The following TENM3 variants were observed in gnomAD, a reference collection of about 807,000 sequenced individuals.
TENM3 encodes the protein teneurin transmembrane protein 3.
In TENM3, 63 loss-of-function variants were observed where a neutral mutation model predicts 255.1. That is an observed-to-expected ratio of 0.25 (90% CI 0.20 to 0.30). The LOEUF (loss-of-function observed/expected upper bound fraction) is 0.30. Among genes scored for constraint, TENM3 ranks in the 10% least tolerant of loss-of-function variants. The pLI, the probability that TENM3 is intolerant of heterozygous loss-of-function variation, is 1.00. For missense variants in TENM3, 2,929 were observed against 3,461.1 expected, an observed-to-expected ratio of 0.85 and a Z score of 3.86; for synonymous variants, 1,306 against 1,322.3, an observed-to-expected ratio of 0.99 and a Z score of 0.27.
intron 1 of TENM3, among the ~76,000 whole-genome samples, chr4:182,250,040 T>C (rs1757897233): frequency 6.6e-6 from 1 of 151,336 alleles, no homozygotes; most frequent in Non-Finnish European, 1.5e-5. Context: ...ATTTTTCTTT[T>C]TCTTTTCTTT....
At chr4:182,474,255 A>C (rs1733443972) in intron 3 of TENM3, among the ~76,000 whole-genome samples, 1 of 152,212 alleles carries the variant, frequency 6.6e-6, no homozygotes, top group Non-Finnish European at 1.5e-5. Context: ...CTGGTCTAAT[A>C]GATGGTACAT....
At chr4:181,662,443 A>T in the TENM3 span, among the ~76,000 whole-genome samples, 1 of 152,188 alleles carries the variant, frequency 6.6e-6, no homozygotes, top group South Asian at 2.1e-4. Flanking sequence ...TATGTCCTGC[A>T]ATCATCATAT....
chr4:182,159,226 A>C (rs572696318), intron 1 of TENM3, among the ~76,000 whole-genome samples: 66 of 152,242 alleles, frequency 4.3e-4, no homozygotes, highest in African/African-American at 1.5e-3. Flanking sequence ...GGCACCTTAT[A>C]ATGAACGTCA....
At chr4:181,888,526 A>ATATATATGTG in the TENM3 span, among the ~76,000 whole-genome samples, 8 of 87,700 alleles carry the variant, frequency 9.1e-5, 2 homozygotes, top group Admixed American at 1.2e-4. Context: ...GTATATATAT[A>ATATATATGTG]CATATATGTG....
At chr4:181,523,796 T>C in the TENM3 span, among the ~76,000 whole-genome samples, 2 of 152,228 alleles carry the variant, frequency 1.3e-5, no homozygotes, top group Admixed American at 1.3e-4. Context: ...AAAGTAGTTT[T>C]AACCTTCAGA....
At chr4:182,503,239 A>T (rs1262139563) in intron 3 of TENM3, among the ~76,000 whole-genome samples, 1 of 151,930 alleles carries the variant, frequency 6.6e-6, no homozygotes, top group East Asian at 1.9e-4. Flanking sequence ...TTACATTTAG[A>T]TGGGCATGGT....
chr4:181,448,267 C>T, the TENM3 span, among the ~76,000 whole-genome samples: 2 of 143,292 alleles, frequency 1.4e-5, no homozygotes, highest in Non-Finnish European at 3.0e-5. Flanking sequence ...CCCGGGTTCA[C>T]GCCATTCTCC....
intron 4 of TENM3, among the ~76,000 whole-genome samples, chr4:182,618,622 TAA>T (rs199546448): frequency 1.0e-4 from 15 of 144,342 alleles, no homozygotes; most frequent in Admixed American, 6.9e-5. Flanking sequence ...ACATGGGGTT[TAA>T]AAAAAAAAAA....
At chr4:181,655,352 G>C in the TENM3 span, among the ~76,000 whole-genome samples, 1 of 152,220 alleles carries the variant, frequency 6.6e-6, no homozygotes, top group Non-Finnish European at 1.5e-5. Flanking sequence ...AGAGAAAAGA[G>C]TCGGAGGCTA....
intron 1 of TENM3, among the ~76,000 whole-genome samples, chr4:182,200,881 A>G (rs985216518): frequency 1.3e-5 from 2 of 150,624 alleles, no homozygotes; most frequent in Admixed American, 1.3e-4. Context: ...CTTGAGTGCA[A>G]TGGCGCGATC....
chr4:182,010,124 G>A, the TENM3 span, among the ~76,000 whole-genome samples: 31 of 152,198 alleles, frequency 2.0e-4, no homozygotes, highest in African/African-American at 7.2e-4. Flanking sequence ...TCCTAATGCT[G>A]TTGCTTCTAG....
chr4:181,546,639 G>A, the TENM3 span, among the ~76,000 whole-genome samples: 66 of 141,832 alleles, frequency 4.7e-4, 1 homozygote, highest in Middle Eastern at 3.9e-3. Flanking sequence ...GCGTGAACCC[G>A]GGAGGCAGAG....
rs1479703652 is a variant in TENM3, at chr4:182,161,850, CAAAT to C, written c.-76+17098_-76+17101del. On this transcript the variant is annotated intron_variant, in intron 1 of 2. Coordinates refer to the TENM3 transcript ENST00000512480. ...ACACATATATATGTGTATATATACA[CAAAT>C]ATATATGTGTATATATGTGTATATA... Among the ~76,000 whole-genome samples the C allele has an allele frequency of 6.1e-3, 206 of 33,826 alleles. 19 individuals are homozygous for C. Among genetic ancestry groups the C allele is most frequent in the African/African-American group, 0.018 (176 of 9,930 alleles). The allele number at this position is 33,826 out of a possible 152,430, so 22.2% of individuals were successfully genotyped here.
the TENM3 span, among the ~76,000 whole-genome samples, chr4:181,898,047 A>C: frequency 6.6e-6 from 1 of 152,196 alleles, no homozygotes; most frequent in Admixed American, 6.5e-5. Flanking sequence ...GCAGTCAATG[A>C]CGTAGGCACC....
chr4:181,986,052 T>C, the TENM3 span, among the ~76,000 whole-genome samples: 1 of 152,178 alleles, frequency 6.6e-6, no homozygotes, highest in East Asian at 1.9e-4. Context: ...CAGCATCCTA[T>C]TAGGGCTCTA....
At position 182,258,112 on chromosome 4, in the gene TENM3, C is replaced by T. The variant is rs185942230; in HGVS notation, c.-76+14636C>T. 9.9e-5 allele frequency among the ~76,000 whole-genome samples: 15 copies of T among 151,736 alleles called. No homozygotes were observed. In the South Asian group the frequency reaches 1.5e-3, roughly 15 times the overall value. On this transcript the variant is annotated intron_variant, in intron 1 of 27. Coordinates refer to ENST00000511685, the MANE Select transcript of TENM3 (RefSeq NM_001080477.4). ...AAATATATAGTGTAGAAAATAAATA[C>T]GTAAAGTATATAGAATCATGTATAT...
At chr4:181,876,353 T>C in the TENM3 span, among the ~76,000 whole-genome samples, 4 of 152,218 alleles carry the variant, frequency 2.6e-5, no homozygotes, top group African/African-American at 9.6e-5. Context: ...CCATGAAATA[T>C]GGGGAACACC....
At chr4:181,612,097 T>A in the TENM3 span, among the ~76,000 whole-genome samples, 1 of 152,210 alleles carries the variant, frequency 6.6e-6, no homozygotes, top group Non-Finnish European at 1.5e-5. Flanking sequence ...GCTCCGTTCC[T>A]GCTGTACAGA....
At chr4:181,549,447 A>ACTG in the TENM3 span, among the ~76,000 whole-genome samples, 1 of 152,238 alleles carries the variant, frequency 6.6e-6, no homozygotes, top group African/African-American at 2.4e-5. Flanking sequence ...GGGGCTTACC[A>ACTG]GTATGGACCA....
Sources: allele counts gnomAD v4.1 joint callset (sites outside exome capture counted in the v4.1 genomes callset), GRCh38; gene constraint gnomAD v4.1.1; transcripts MANE v1.5; gene names NCBI Gene and HGNC (gene_info 2026-07-23, HGNC 2026-07-21).